BCKDHB: variants seen among roughly 807,000 people sequenced by gnomAD.
BCKDHB encodes the protein branched chain keto acid dehydrogenase E1 subunit beta, also known as 2-oxoisovalerate dehydrogenase subunit beta, mitochondrial.
BCKDHB carries 41 observed loss-of-function variants against 48.5 expected under a neutral mutation model. The ratio of observed to expected loss-of-function variants is 0.85; its 90% CI spans 0.66 to 1.10. The LOEUF is 1.10. BCKDHB is among the 50% of genes least tolerant of loss of function. The probability of loss-of-function intolerance (pLI) is 0.00; values close to 1 mark genes in which losing one functional copy is unlikely to be tolerated. For synonymous variants in BCKDHB, 201 were observed against 174.8 expected (o/e 1.15, Z -1.18); for missense variants, 496 against 494.2 (o/e 1.00, Z -0.03).
the BCKDHB span, among the ~76,000 whole-genome samples, chr6:80,423,151 G>T: frequency 1.4e-4 from 21 of 152,224 alleles, 2 homozygotes; most frequent in South Asian, 3.9e-3. Flanking sequence ...GTTCTCACAA[G>T]ATCTACTGGT....
chr6:80,121,844 A>T (rs1770042514), intron 1 of BCKDHB, among the ~76,000 whole-genome samples: 2 of 152,100 alleles, frequency 1.3e-5, no homozygotes, highest in Non-Finnish European at 2.9e-5. Context: ...AAAACCCTTT[A>T]TTTGTTTCTC....
intron 6 of BCKDHB, among the ~76,000 whole-genome samples, chr6:80,194,175 A>G (rs1217689486): frequency 6.6e-6 from 1 of 152,114 alleles, no homozygotes; most frequent in Non-Finnish European, 1.5e-5. Flanking sequence ...TTTCCCAGCC[A>G]TCTAAGGGAG....
intron 9 of BCKDHB, among the ~76,000 whole-genome samples, chr6:80,291,658 T>G (rs944226619): frequency 6.6e-6 from 1 of 151,070 alleles, no homozygotes; most frequent in South Asian, 2.1e-4. Context: ...ATCCCTTTTG[T>G]TTTTTTTTCT....
chr6:80,258,247 A>G (rs1777141874), intron 8 of BCKDHB, among the ~76,000 whole-genome samples: 1 of 152,176 alleles, frequency 6.6e-6, no homozygotes, highest in Non-Finnish European at 1.5e-5. Context: ...TTCAAAGATC[A>G]CTGACAGGTT....
At chr6:80,166,913 C>T (rs1316791569) in intron 3 of BCKDHB, among the ~76,000 whole-genome samples, 2 of 152,042 alleles carry the variant, frequency 1.3e-5, no homozygotes, top group Non-Finnish European at 2.9e-5. Flanking sequence ...TTTAAATCAT[C>T]TCTATTTTTC....
intron 8 of BCKDHB, among the ~76,000 whole-genome samples, chr6:80,231,381 A>G (rs1775917578): frequency 6.6e-6 from 1 of 152,242 alleles, no homozygotes; most frequent in Admixed American, 6.5e-5. Context: ...TGTATTATAA[A>G]CATTTATAAA....
chr6:80,422,502 G>A, the BCKDHB span, among the ~76,000 whole-genome samples: 3 of 152,250 alleles, frequency 2.0e-5, no homozygotes, highest in South Asian at 4.1e-4. Context: ...CAAAAAGGTA[G>A]ATACATTGAA....
chr6:80,445,073 C>T, the BCKDHB span, among the ~76,000 whole-genome samples: 1 of 152,212 alleles, frequency 6.6e-6, no homozygotes, highest in South Asian at 2.1e-4. Flanking sequence ...ATTATCCACC[C>T]TTAGTATGAG....
intron 5 of BCKDHB, chr6:80,169,797 G>A (rs776173510): frequency 1.3e-6 from 2 of 1,598,670 alleles, no homozygotes; most frequent in African/African-American, 1.3e-5. Flanking sequence ...TTTCTTATTT[G>A]TTTTTTCTAC....
At chr6:80,203,019 C>CTATT in intron 7 of BCKDHB, 83 bp from the exon 8 acceptor site, 1 of 912,680 alleles carries the variant, frequency 1.1e-6, no homozygotes, top group Non-Finnish European at 1.8e-6. Context: ...AATACTGTCT[C>CTATT]TAATAGTGAC....
chr6:80,464,412 C>T, the BCKDHB span, among the ~76,000 whole-genome samples: 1 of 152,094 alleles, frequency 6.6e-6, no homozygotes, highest in Non-Finnish European at 1.5e-5. Flanking sequence ...CAGGTGTGAG[C>T]CACTGCACCC....
At chr6:80,399,647 T>C in the BCKDHB span, among the ~76,000 whole-genome samples, 1 of 152,266 alleles carries the variant, frequency 6.6e-6, no homozygotes, top group Non-Finnish European at 1.5e-5. Flanking sequence ...GAAGAATCAT[T>C]ATCATTATAA....
intron 6 of BCKDHB, among the ~76,000 whole-genome samples, chr6:80,179,319 G>A (rs1773306806): frequency 6.6e-6 from 1 of 152,094 alleles, no homozygotes. Context: ...CTTTTTATCT[G>A]TGGGTTCCAG....
chr6:80,120,692 C>T (rs1447973997), intron 1 of BCKDHB, among the ~76,000 whole-genome samples: 1 of 152,096 alleles, frequency 6.6e-6, no homozygotes, highest in Non-Finnish European at 1.5e-5. Context: ...ATTCTTTGCC[C>T]ACTTTTTGAT....
chr6:80,233,972 CGA>C (rs942618060), intron 8 of BCKDHB, among the ~76,000 whole-genome samples: 2 of 151,678 alleles, frequency 1.3e-5, no homozygotes, highest in African/African-American at 4.8e-5. Context: ...GAAATGGTTT[CGA>C]GATGAAACTG....
At position 80,343,937 on chromosome 6, in the gene BCKDHB, T is replaced by C; in HGVS notation, c.*133T>C. On this transcript the variant is annotated 3_prime_UTR_variant, in exon 10 of 10. Transcript: ENST00000320393. ...GATGGTAAAGTTGGTAAAAGGCAAC[T>C]TTCAGAAGAAAATAATGTGCTTTAG... 1.8e-6 allele frequency: 2 copies of C among 1,127,086 alleles called. No individual in the cohort carries two copies. The highest frequency in any genetic ancestry group is 2.7e-6 in the Non-Finnish European group (2 of 751,902). 69.8% of individuals were successfully genotyped at this position (1,127,086 alleles called of 1,614,324 possible).
At chr6:80,237,342 A>G (rs1776186402) in intron 8 of BCKDHB, among the ~76,000 whole-genome samples, 1 of 152,228 alleles carries the variant, frequency 6.6e-6, no homozygotes, top group Admixed American at 6.5e-5. Flanking sequence ...CTAGGTGATC[A>G]CATTTAAGTT....
the BCKDHB span, chr6:80,355,864 C>T: frequency 2.6e-5 from 4 of 152,264 alleles, no homozygotes; most frequent in African/African-American, 7.2e-5. Flanking sequence ...CCACAGGTGC[C>T]GCCTGCAGCT....
chr6:80,149,497 C>T (rs1771654882), intron 3 of BCKDHB, among the ~76,000 whole-genome samples: 1 of 151,994 alleles, frequency 6.6e-6, no homozygotes, highest in African/African-American at 2.4e-5. Flanking sequence ...ATAAATCATG[C>T]TGCTATAAAG....
Sources: allele counts gnomAD v4.1 joint callset (sites outside exome capture counted in the v4.1 genomes callset), GRCh38; gene constraint gnomAD v4.1.1; transcripts MANE v1.5; gene names NCBI Gene and HGNC (gene_info 2026-07-23, HGNC 2026-07-21).